The following NAALADL2 variants were observed in gnomAD, a reference collection of about 807,000 sequenced individuals.
NAALADL2 encodes N-acetylated alpha-linked acidic dipeptidase like 2.
Under a neutral mutation model 87.2 loss-of-function variants are expected in NAALADL2, and 76 were observed. That is an observed-to-expected ratio of 0.87 (90% CI 0.72 to 1.05). The LOEUF (loss-of-function observed/expected upper bound fraction) is 1.05, where lower values mean the gene tolerates loss of function less well. Ranked by LOEUF, NAALADL2 falls within the 50% of genes least tolerant of loss-of-function variation. NAALADL2 has a pLI of 0.00. For synonymous variants in NAALADL2, 354 were observed against 331.0 expected, an observed-to-expected ratio of 1.07 and a Z score of -0.75; for missense variants, 1,089 against 945.8, an observed-to-expected ratio of 1.15 and a Z score of -1.99.
At chr3:174,549,021 T>G (rs1292009545) in intron 1 of NAALADL2, among the ~76,000 whole-genome samples, 1 of 152,104 alleles carries the variant, frequency 6.6e-6, no homozygotes, top group Non-Finnish European at 1.5e-5. Context: ...GTGTATTTTT[T>G]GTAGAGACAG....
At chr3:175,409,981 A>C (rs1713177745) in intron 5 of NAALADL2, among the ~76,000 whole-genome samples, 1 of 152,148 alleles carries the variant, frequency 6.6e-6, no homozygotes. Flanking sequence ...AGTAGATATT[A>C]TTTAAAAGTA....
intron 2 of NAALADL2, among the ~76,000 whole-genome samples, chr3:175,216,892 C>A (rs544375910): frequency 6.6e-6 from 1 of 152,176 alleles, no homozygotes; most frequent in African/African-American, 2.4e-5. Context: ...TGGTCTCGAA[C>A]TCCTGACCTC....
intron 2 of NAALADL2, among the ~76,000 whole-genome samples, chr3:174,699,398 AGGG>A (rs59074361): frequency 6.6e-6 from 1 of 151,432 alleles, no homozygotes; most frequent in Non-Finnish European, 1.5e-5. Flanking sequence ...AGGCTGAGGC[AGGG>A]GAGAATCCCT....
intron 13 of NAALADL2, among the ~76,000 whole-genome samples, chr3:175,793,829 T>A (rs1482195444): frequency 6.6e-6 from 1 of 152,166 alleles, no homozygotes; most frequent in Non-Finnish European, 1.5e-5. Flanking sequence ...ACACAGTGAC[T>A]TACTCATATT....
chr3:174,989,320 G>A (rs376568424), intron 1 of NAALADL2, among the ~76,000 whole-genome samples: 1 of 152,134 alleles, frequency 6.6e-6, no homozygotes, highest in Non-Finnish European at 1.5e-5. Flanking sequence ...AGTTTTTAGG[G>A]AACGTAGTGC....
At chr3:174,961,686 T>C (rs1742022295) in intron 1 of NAALADL2, among the ~76,000 whole-genome samples, 1 of 152,066 alleles carries the variant, frequency 6.6e-6, no homozygotes, top group Non-Finnish European at 1.5e-5. Context: ...GTCTTGTGTA[T>C]TATTAGCCAT....
intron 9 of NAALADL2, among the ~76,000 whole-genome samples, chr3:175,505,828 A>G (rs1409760087): frequency 6.6e-6 from 1 of 152,216 alleles, no homozygotes; most frequent in Non-Finnish European, 1.5e-5. Context: ...TGTAAGATAG[A>G]AACAAATTTT....
rs577750178 is a variant in NAALADL2, at chr3:174,672,226, A to G, written c.-114-65415A>G. Among the ~76,000 whole-genome samples the G allele has an allele frequency of 1.1e-4, 17 of 152,078 alleles. No homozygotes were observed. The South Asian group carries it at 3.3e-3, about 30-fold the overall frequency. On this transcript the variant is annotated intron_variant, in intron 2 of 3. Coordinates refer to the NAALADL2 transcript ENST00000434257. ...CAATAGCTAAACTTTGGTTCTCTAT[A>G]CTTCATACTTGGAATATAGCTATTT...
chr3:174,884,608 A>T (rs1729831396), intron 1 of NAALADL2, among the ~76,000 whole-genome samples: 1 of 152,180 alleles, frequency 6.6e-6, no homozygotes, highest in African/African-American at 2.4e-5. Context: ...AGGCAAATCC[A>T]TATCTGGAAT....
intron 2 of NAALADL2, among the ~76,000 whole-genome samples, chr3:174,586,528 G>A (rs1462898552): frequency 6.6e-6 from 1 of 152,176 alleles, no homozygotes; most frequent in Non-Finnish European, 1.5e-5. Flanking sequence ...TGGTCCAGTG[G>A]CAGTTGGCTG....
intron 9 of NAALADL2, among the ~76,000 whole-genome samples, chr3:175,521,605 G>C (rs913357233): frequency 6.6e-6 from 1 of 152,134 alleles, no homozygotes; most frequent in Non-Finnish European, 1.5e-5. Flanking sequence ...TACTGGATTA[G>C]GGTGGGCTCT....
chr3:175,351,345 T>A (rs142196627), intron 5 of NAALADL2, among the ~76,000 whole-genome samples: 65 of 152,216 alleles, frequency 4.3e-4, no homozygotes, highest in African/African-American at 1.5e-3. Context: ...GATGTGCATA[T>A]ATATGTGTAA....
intron 9 of NAALADL2, among the ~76,000 whole-genome samples, chr3:175,536,816 C>G (rs1237410637): frequency 6.6e-6 from 1 of 152,126 alleles, no homozygotes; most frequent in African/African-American, 2.4e-5. Flanking sequence ...CCCGTCTCTA[C>G]TAAAAATACA....
At chr3:174,782,943 T>C (rs1716168927) in intron 3 of NAALADL2, among the ~76,000 whole-genome samples, 2 of 152,228 alleles carry the variant, frequency 1.3e-5, no homozygotes, top group Admixed American at 1.3e-4. Context: ...CCAAACCATA[T>C]CATAAGCTAA....
chr3:174,989,962 G>A (rs1746491431), intron 1 of NAALADL2, among the ~76,000 whole-genome samples: 1 of 151,930 alleles, frequency 6.6e-6, no homozygotes, highest in African/African-American at 2.4e-5. Flanking sequence ...TTTATTTGCT[G>A]CTTCACTTGG....
chr3:175,734,766 G>A (rs1744272811), intron 11 of NAALADL2, among the ~76,000 whole-genome samples: 1 of 152,178 alleles, frequency 6.6e-6, no homozygotes, highest in Admixed American at 6.5e-5. Flanking sequence ...GCACACAGCA[G>A]AGGGACCCTG....
chr3:175,209,233 C>G (rs1370596542), intron 2 of NAALADL2, among the ~76,000 whole-genome samples: 1 of 151,982 alleles, frequency 6.6e-6, no homozygotes, highest in Non-Finnish European at 1.5e-5. Context: ...AATAGATGTA[C>G]TGCATTTATT....
chr3:175,313,686 A>G (rs1381307799), intron 4 of NAALADL2, among the ~76,000 whole-genome samples: 1 of 152,216 alleles, frequency 6.6e-6, no homozygotes, highest in Non-Finnish European at 1.5e-5. Context: ...AATGGCAATA[A>G]CAGCATCCTC....
At chr3:175,443,440 C>T (rs1369590425) in intron 5 of NAALADL2, among the ~76,000 whole-genome samples, 3 of 152,034 alleles carry the variant, frequency 2.0e-5, no homozygotes, top group African/African-American at 7.2e-5. Context: ...GACTTTTTAT[C>T]TACAAAACTT....
Sources: allele counts gnomAD v4.1 joint callset (sites outside exome capture counted in the v4.1 genomes callset), GRCh38; gene constraint gnomAD v4.1.1; transcripts MANE v1.5; gene names NCBI Gene and HGNC (gene_info 2026-07-23, HGNC 2026-07-21).